Variants in USH2A observed in about 807,000 individuals in gnomAD.
The protein encoded by USH2A is usherin, also known as Usher syndrome 2A (autosomal recessive, mild).
Under a neutral mutation model 538.9 loss-of-function variants are expected in USH2A, and 443 were observed. The ratio of observed to expected loss-of-function variants is 0.82; its 90% CI spans 0.76 to 0.89. USH2A has a LOEUF of 0.89. USH2A is among the 40% of genes least tolerant of loss of function. The pLI is 0.00. For missense variants in USH2A, 6,633 were observed against 6,324.8 expected (o/e 1.05, Z -1.65); for synonymous variants, 2,413 against 2,273.5 (o/e 1.06, Z -1.75).
chr1:215,916,466 A>G (rs1322394746), intron 38 of USH2A, among the ~76,000 whole-genome samples: 1 of 152,168 alleles, frequency 6.6e-6, no homozygotes, highest in Non-Finnish European at 1.5e-5. Context: ...TTTCACGTAC[A>G]TATTTAGGTT....
In USH2A at chr1:215,844,294, C is replaced by A. The variant is rs1380261595; in HGVS notation, c.9258G>T (p.Gln3086His). 1.2e-5 allele frequency: 19 copies of A among 1,613,262 alleles called. No individual in the cohort carries two copies. The highest frequency in any genetic ancestry group is 1.5e-5 in the Non-Finnish European group (18 of 1,179,654). ...DLSPFTIYDI[Q>H]VEVCTIYACV... ...AACCATCAAAAAACAATGTTCTAAC[C>A]TGAATGTCATAGATAGTGAAGGGAG... The change falls in exon 46 of 72, where the codon CAG becomes CAT. Residue 3086 changes from glutamine (Q) to histidine (H), a missense_variant and splice_region_variant. Gln to His is a conservative substitution (Grantham distance 24). Transcript: ENST00000307340.
intron 49 of USH2A, among the ~76,000 whole-genome samples, chr1:215,801,229 G>C (rs1345923895): frequency 6.6e-6 from 1 of 151,838 alleles, no homozygotes; most frequent in Non-Finnish European, 1.5e-5. Flanking sequence ...TCAGAAACAA[G>C]AAAAGGTTGC....
intron 21 of USH2A, among the ~76,000 whole-genome samples, chr1:216,131,870 C>G (rs1200218672): frequency 6.6e-6 from 1 of 152,066 alleles, no homozygotes; most frequent in Admixed American, 6.6e-5. Flanking sequence ...ATGTGAGGCA[C>G]TCTTCTAGAT....
At chr1:216,355,874 T>C (rs569886726) in intron 4 of USH2A, among the ~76,000 whole-genome samples, 1 of 152,246 alleles carries the variant, frequency 6.6e-6, no homozygotes, top group Admixed American at 6.5e-5. Flanking sequence ...ATTTTAAGTA[T>C]CACAGTCAAT....
In USH2A at chr1:215,625,551, G is replaced by A. The variant is rs1313404538; in HGVS notation, c.*230C>T. 2 of 566,592 alleles carry A rather than the reference G, an allele frequency of 3.5e-6. No homozygotes were observed. Among genetic ancestry groups the A allele is most frequent in the Non-Finnish European group, 6.3e-6 (2 of 316,928 alleles). 35.1% of individuals were successfully genotyped at this position (566,592 alleles called of 1,614,324 possible). Reference sequence around the variant, plus strand: ...CTTCTTTGTCTTCTACAAAATAAGAGCAAATCAAGTATTTTCATATGAATA... The same window carrying A: ...CTTCTTTGTCTTCTACAAAATAAGAACAAATCAAGTATTTTCATATGAATA... On this transcript the variant is annotated 3_prime_UTR_variant, in exon 72 of 72. Coordinates refer to ENST00000307340, the MANE Select transcript of USH2A (RefSeq NM_206933.4).
rs1242308556 is a variant in USH2A, at chr1:215,671,188, A to G, written c.13917T>C (p.His4639=). The change falls in exon 64 of 72, where the codon CAT becomes CAC. Residue 4639 remains histidine (H), a synonymous_variant. Transcript: ENST00000307340. ...CTCCTGGAGCCATTTGTACCTCCAG[A>G]TGTGGAGGGGGTTGCATCAAAGGTG... is the stretch of plus-strand genomic sequence containing the variant. ...EIAPLMQPPP[H]LEVQMAPGGF... is the part of the protein sequence containing the mutation. The G allele has an allele frequency of 2.5e-6, 4 of 1,613,980 alleles. No homozygotes were observed. Among genetic ancestry groups the G allele is most frequent in the Non-Finnish European group, 3.4e-6 (4 of 1,180,010 alleles).
chr1:215,830,896 T>C (rs2102809204), intron 47 of USH2A, among the ~76,000 whole-genome samples: 1 of 152,144 alleles, frequency 6.6e-6, no homozygotes, highest in South Asian at 2.1e-4. Flanking sequence ...GAATTTGGAG[T>C]CTGAAGCTAA....
At chr1:216,288,247 T>C (rs1430753510) in intron 11 of USH2A, among the ~76,000 whole-genome samples, 1 of 152,148 alleles carries the variant, frequency 6.6e-6, no homozygotes, top group Non-Finnish European at 1.5e-5. Context: ...AGTATGACTT[T>C]CTGAGAAAAT....
chr1:215,957,759 C>T (rs11579696), intron 37 of USH2A, among the ~76,000 whole-genome samples: 22,642 of 152,030 alleles, frequency 0.15, 1,895 homozygotes, highest in African/African-American at 0.22. Flanking sequence ...GCTGCCTGAC[C>T]CCCTAACTCA....
intron 11 of USH2A, among the ~76,000 whole-genome samples, chr1:216,262,389 A>G (rs2036391378): frequency 1.3e-5 from 2 of 152,132 alleles, no homozygotes; most frequent in Admixed American, 1.3e-4. Flanking sequence ...AATGAACCAA[A>G]CAGAAATATT....
chr1:216,253,465 C>T (rs889882387), intron 11 of USH2A, among the ~76,000 whole-genome samples: 1 of 152,142 alleles, frequency 6.6e-6, no homozygotes, highest in African/African-American at 2.4e-5. Flanking sequence ...TGCACCTGGC[C>T]TTGTTGTATT....
At chr1:216,055,058 G>T (rs975299042) in intron 30 of USH2A, among the ~76,000 whole-genome samples, 19 of 152,142 alleles carry the variant, frequency 1.2e-4, no homozygotes, top group African/African-American at 3.6e-4. Context: ...ATAACATGGA[G>T]AATTTATCTC....
At chr1:215,826,518 G>T (rs1251189976) in intron 47 of USH2A, among the ~76,000 whole-genome samples, 1 of 152,156 alleles carries the variant, frequency 6.6e-6, no homozygotes. Flanking sequence ...CTACAATTAG[G>T]CCTGAGCTTT....
chr1:215,971,709 G>T (rs1246942138), intron 35 of USH2A, among the ~76,000 whole-genome samples: 3 of 152,140 alleles, frequency 2.0e-5, no homozygotes, highest in African/African-American at 7.2e-5. Context: ...AATTATAAAT[G>T]CTATCATATT....
Position 215,623,913 on chromosome 1 carries a change from G to T in USH2A, c.*1868C>A, listed in dbSNP as rs1236293919. ...ACTAGCAAACTGTATTCTTAGAAGAGTCCACCAAGGATTAGGATGCAAGTT... is the reference window on the plus strand; with the variant it reads ...ACTAGCAAACTGTATTCTTAGAAGATTCCACCAAGGATTAGGATGCAAGTT... On this transcript the variant is annotated 3_prime_UTR_variant, in exon 72 of 72. Transcript: ENST00000307340. The T allele has an allele frequency of 6.6e-6, 1 of 152,152 alleles. No homozygotes were observed. The highest frequency in any genetic ancestry group is 6.6e-5 in the Admixed American group (1 of 15,258). 9.4% of individuals were successfully genotyped at this position (152,152 alleles called of 1,614,324 possible). A position where few individuals can be genotyped will look rare whatever the true frequency, so the allele number is the denominator to read the frequency against.
chr1:215,921,821 C>A (rs1397983683), intron 38 of USH2A, among the ~76,000 whole-genome samples: 1 of 152,074 alleles, frequency 6.6e-6, no homozygotes, highest in South Asian at 2.1e-4. Context: ...ACTTGCCTTA[C>A]AGGGTTTGTG....
chr1:216,316,738 AGT>A (rs1183579396), intron 9 of USH2A, among the ~76,000 whole-genome samples: 1 of 152,170 alleles, frequency 6.6e-6, no homozygotes, highest in Non-Finnish European at 1.5e-5. Flanking sequence ...TCTAATGATC[AGT>A]GATGCTGAGC....
At chr1:216,379,557 T>C (rs902866956) in intron 3 of USH2A, among the ~76,000 whole-genome samples, 3 of 152,178 alleles carry the variant, frequency 2.0e-5, no homozygotes. Context: ...AATTTCACTG[T>C]TCCATTAGAC....
intron 4 of USH2A, among the ~76,000 whole-genome samples, chr1:216,353,276 T>C (rs939471644): frequency 6.6e-6 from 1 of 152,008 alleles, no homozygotes; most frequent in African/African-American, 2.4e-5. Context: ...ATCAATATGA[T>C]TATGTATCTG....
Sources: allele counts gnomAD v4.1 joint callset (sites outside exome capture counted in the v4.1 genomes callset), GRCh38; gene constraint gnomAD v4.1.1; transcripts MANE v1.5; gene names NCBI Gene and HGNC (gene_info 2026-07-23, HGNC 2026-07-21).